DUSP29: variants seen among roughly 807,000 people sequenced by gnomAD.
DUSP29 encodes the protein dual specificity phosphatase 29.
DUSP29 carries 12 observed loss-of-function variants against 13.5 expected under a neutral mutation model. The observed-to-expected ratio is 0.89, with a 90% confidence interval of 0.57 to 1.44. The LOEUF is 1.44. Ranked by LOEUF, DUSP29 falls within the 40% of genes most tolerant of loss-of-function variation. DUSP29 has a pLI of 0.00. For synonymous variants in DUSP29, 134 were observed against 128.7 expected (o/e 1.04, Z -0.28); for missense variants, 308 against 301.1 (o/e 1.02, Z -0.17).
chr10:75,044,121 T>A lies in DUSP29; in HGVS notation c.201-104A>T, dbSNP rs1846652868. 4.5e-6 allele frequency: 5 copies of A among 1,106,226 alleles called. No individual in the cohort carries two copies. The East Asian group carries it at 1.3e-4, about 28-fold the overall frequency. The allele number at this position is 1,106,226 out of a possible 1,614,324, so 68.5% of individuals were successfully genotyped here. On this transcript the variant is annotated intron_variant, in intron 2 of 3. Coordinates refer to ENST00000338487, the MANE Select transcript of DUSP29 (RefSeq NM_001003892.3). ...TCCGCTGTGGATTCCAGTTCCAGAA[T>A]GAGGACTAGTTATTGCAAATGAAGT...
chr10:75,048,095 T>C (rs1405017157), intron 2 of DUSP29, among the ~76,000 whole-genome samples: 1 of 152,234 alleles, frequency 6.6e-6, no homozygotes, highest in Non-Finnish European at 1.5e-5. Flanking sequence ...TTTATGTCCG[T>C]AGGAGACATT....
Position 75,037,774 on chromosome 10 carries a change from A to G in DUSP29, c.*62T>C, listed in dbSNP as rs987593733. 1.6e-5 allele frequency: 25 copies of G among 1,541,760 alleles called. No individual in the cohort carries two copies. In the African/African-American group the frequency reaches 2.6e-4, roughly 16 times the overall value. Reference sequence around the variant, plus strand: ...CATCCCTTCTCTGGAGTCCTAGGCCAGGGCTATGTTCTGCCTCTCCCCTCT... The same window carrying G: ...CATCCCTTCTCTGGAGTCCTAGGCCGGGGCTATGTTCTGCCTCTCCCCTCT... On this transcript the variant is annotated 3_prime_UTR_variant, in exon 4 of 4. Transcript: ENST00000338487.
chr10:75,072,265 A>G (rs1408407353), intron 1 of DUSP29, among the ~76,000 whole-genome samples: 4 of 152,144 alleles, frequency 2.6e-5, no homozygotes, highest in African/African-American at 7.2e-5. Flanking sequence ...ACCCTGTAAC[A>G]CACACCCACT....
intron 3 of DUSP29, among the ~76,000 whole-genome samples, chr10:75,042,347 A>C (rs1197249376): frequency 6.6e-6 from 1 of 152,260 alleles, no homozygotes; most frequent in East Asian, 1.9e-4. Flanking sequence ...GAGTGCATTA[A>C]ACAGAAACTG....
intron 1 of DUSP29, among the ~76,000 whole-genome samples, chr10:75,065,604 C>T (rs192206885): frequency 9.8e-4 from 149 of 152,300 alleles, no homozygotes; most frequent in African/African-American, 3.4e-3. Flanking sequence ...GCTGGGATTA[C>T]AGGCATGAGC....
intron 2 of DUSP29, among the ~76,000 whole-genome samples, chr10:75,045,757 A>G (rs1009009723): frequency 4.5e-4 from 68 of 152,206 alleles, no homozygotes; most frequent in Non-Finnish European, 8.8e-4. Context: ...TATTATTGCA[A>G]GTGTGGTGGA....
At chr10:75,054,573 A>G (rs1846915204) in intron 2 of DUSP29, among the ~76,000 whole-genome samples, 1 of 152,234 alleles carries the variant, frequency 6.6e-6, no homozygotes, top group Non-Finnish European at 1.5e-5. Flanking sequence ...CGGAAAGTCT[A>G]GGAGGAAATA....
chr10:75,059,370 T>C (rs1847038434), intron 1 of DUSP29, among the ~76,000 whole-genome samples: 1 of 152,192 alleles, frequency 6.6e-6, no homozygotes, highest in African/African-American at 2.4e-5. Context: ...GAGTAAATGA[T>C]GCACCTATGG....
rs1422666024 is a variant in DUSP29 at position 75,073,633 on chromosome 10, G to T, written c.-99C>A. 6.6e-6 allele frequency among the ~76,000 whole-genome samples: 1 copy of T among 152,202 alleles called. No individual in the cohort carries two copies. The highest frequency in any genetic ancestry group is 1.9e-4 in the East Asian group (1 of 5,180). ...TCCGTGGGGCATGTAGCAGCCGCAC[G>T]CCCAGCCACCCCCACTGGCAACAGA... On this transcript the variant is annotated 5_prime_UTR_variant, in exon 1 of 4. Coordinates refer to ENST00000338487, the MANE Select transcript of DUSP29 (RefSeq NM_001003892.3).
intron 2 of DUSP29, among the ~76,000 whole-genome samples, chr10:75,057,634 G>A (rs572178050): frequency 6.6e-5 from 10 of 152,028 alleles, no homozygotes; most frequent in Admixed American, 2.0e-4. Flanking sequence ...AAGGATAGTC[G>A]TTATCATTAT....
chr10:75,055,048 C>T (rs1364643296), intron 2 of DUSP29, among the ~76,000 whole-genome samples: 1 of 152,146 alleles, frequency 6.6e-6, no homozygotes, highest in East Asian at 1.9e-4. Context: ...TGCTATATTG[C>T]TCAGGCTACT....
intron 3 of DUSP29, among the ~76,000 whole-genome samples, chr10:75,040,204 G>A (rs777262834): frequency 3.3e-5 from 5 of 152,124 alleles, no homozygotes; most frequent in Non-Finnish European, 7.4e-5. Flanking sequence ...ACCAAACAGT[G>A]AAAATCTGGT....
chr10:75,069,705 T>C (rs979838259), intron 1 of DUSP29, among the ~76,000 whole-genome samples: 1 of 152,138 alleles, frequency 6.6e-6, no homozygotes, highest in African/African-American at 2.4e-5. Flanking sequence ...GAAATGATTG[T>C]GTTGCTTTTA....
At chr10:75,041,829 C>G (rs191400662) in intron 3 of DUSP29, among the ~76,000 whole-genome samples, 8 of 152,330 alleles carry the variant, frequency 5.3e-5, no homozygotes, top group Admixed American at 3.3e-4. Context: ...TCATGATCCA[C>G]AGCAGCCTGA....
In DUSP29 at chr10:75,065,478, G is replaced by A. The variant is rs965145570; in HGVS notation, c.-34-6930C>T. On this transcript the variant is annotated intron_variant, in intron 1 of 3. Coordinates refer to ENST00000338487, the MANE Select transcript of DUSP29 (RefSeq NM_001003892.3). ...GGAGTAGCTGACACTACAGGCACCC[G>A]CCACCCCACCCGGCTAAATTTTGTA... 2.0e-5 allele frequency among the ~76,000 whole-genome samples: 3 copies of A among 151,608 alleles called. No individual in the cohort carries two copies. The South Asian group carries it at 6.2e-4, about 32-fold the overall frequency.
At chr10:75,064,339 C>A (rs979511005) in intron 1 of DUSP29, among the ~76,000 whole-genome samples, 2 of 152,166 alleles carry the variant, frequency 1.3e-5, no homozygotes, top group African/African-American at 2.4e-5. Flanking sequence ...GAAACCCCGT[C>A]TCTACCAAAA....
intron 1 of DUSP29, among the ~76,000 whole-genome samples, chr10:75,070,099 AAGGAAGGAAGG>A (rs1847296901): frequency 8.2e-6 from 1 of 121,634 alleles, no homozygotes; most frequent in Non-Finnish European, 1.6e-5. Flanking sequence ...GGAAGGAAGG[AAGGAAGGAAGG>A]AAGGAAGGAA....
chr10:75,068,409 T>G (rs996222610), intron 1 of DUSP29, among the ~76,000 whole-genome samples: 4 of 152,268 alleles, frequency 2.6e-5, no homozygotes, highest in East Asian at 1.9e-4. Flanking sequence ...CCCAGGAGTT[T>G]GAGGCTGCAG....
At chr10:75,068,348 GCACC>G (rs1380527812) in intron 1 of DUSP29, among the ~76,000 whole-genome samples, 1 of 152,066 alleles carries the variant, frequency 6.6e-6, no homozygotes, top group African/African-American at 2.4e-5. Context: ...GGAGGTGCAT[GCACC>G]TGTGGTCCCA....
Sources: gnomAD v4.1 joint callset for allele counts (sites outside exome capture counted in the v4.1 genomes callset) on GRCh38, gnomAD v4.1.1 for gene constraint, MANE v1.5 for transcripts, NCBI Gene and HGNC (gene_info 2026-07-23, HGNC 2026-07-21) for gene names.